SUPT7L: variants seen among roughly 807,000 people sequenced by gnomAD.
The protein encoded by SUPT7L is SPT7 like, STAGA complex subunit gamma, also known as STAGA complex 65 subunit gamma.
Under a neutral mutation model 35.7 loss-of-function variants are expected in SUPT7L, and 15 were observed. The ratio of observed to expected loss-of-function variants is 0.42; its 90% confidence interval spans 0.28 to 0.65. The LOEUF is 0.65. Ranked by LOEUF, SUPT7L falls within the 30% of genes least tolerant of loss-of-function variation. The pLI, the probability that SUPT7L is intolerant of heterozygous loss-of-function variation, is 0.23. For synonymous variants in SUPT7L, 168 were observed against 186.2 expected (o/e 0.90, Z 0.79); for missense variants, 434 against 522.2 (o/e 0.83, Z 1.65).
At position 27,657,270 on chromosome 2, in the gene SUPT7L, A is replaced by G; in HGVS notation, c.744+75T>C. On this transcript the variant is annotated intron_variant, in intron 4 of 5. Transcript: ENST00000337768. This position sits in a 1 kb window ranked among gnomAD's most constrained non-coding sequence, Gnocchi z 5.2. ...ACTCTGTGCTCTGCACTCTAGACCA[A>G]GTGTTGTGGGATCCTGCTGAACACT... The G allele has an allele frequency of 6.7e-7, 1 of 1,498,940 alleles. No homozygotes were observed. Among genetic ancestry groups the G allele is most frequent in the Non-Finnish European group, 9.1e-7 (1 of 1,100,056 alleles). 92.9% of individuals were successfully genotyped at this position (1,498,940 alleles called of 1,614,324 possible).
chr2:27,647,342 T>A (rs1674285814), downstream of SUPT7L, among the ~76,000 whole-genome samples: 2 of 152,194 alleles, frequency 1.3e-5, no homozygotes. Context: ...GATTTTCTAT[T>A]TTTCCCCTCC....
the SUPT7L span, among the ~76,000 whole-genome samples, chr2:27,643,233 T>G: frequency 6.6e-6 from 1 of 151,310 alleles, no homozygotes; most frequent in Non-Finnish European, 1.5e-5. This position sits in a 1 kb window ranked among gnomAD's most constrained non-coding sequence, Gnocchi z 4.0. Flanking sequence ...TAATTTCAGA[T>G]TTACAGAAGT....
chr2:27,648,255 C>T (rs997450823), downstream of SUPT7L, among the ~76,000 whole-genome samples: 1 of 152,158 alleles, frequency 6.6e-6, no homozygotes, highest in Non-Finnish European at 1.5e-5. Context: ...TGTGGTGGCT[C>T]ATGCCTGTAA....
chr2:27,662,144 C>T (rs369995345), intron 2 of SUPT7L, 35 bp downstream of exon 2: 318 of 1,613,820 alleles, frequency 2.0e-4, no homozygotes, highest in Non-Finnish European at 2.5e-4. Context: ...CTTGGCTTAC[C>T]ATTCAACAAA....
intron 4 of SUPT7L, among the ~76,000 whole-genome samples, chr2:27,656,691 G>A (rs1674819732): frequency 6.6e-6 from 1 of 151,664 alleles, no homozygotes; most frequent in African/African-American, 2.4e-5. Flanking sequence ...GGAGTGCAAT[G>A]GCACAATCAT....
rs1392139883 is a variant in SUPT7L, at chr2:27,662,171, C to T, written c.14+8G>A. Reference sequence around the variant, plus strand: ...TTCAACAAAATTCACAATCTGGTTTCAACTCACCTTTGCAGATTCATTGTC... The same window carrying T: ...TTCAACAAAATTCACAATCTGGTTTTAACTCACCTTTGCAGATTCATTGTC... On this transcript the variant is annotated splice_region_variant and intron_variant, in intron 2 of 5. Transcript: ENST00000337768. 1 of 1,614,128 alleles carries T rather than the reference C, an allele frequency of 6.2e-7. No homozygotes were observed. The highest frequency in any genetic ancestry group is 2.2e-5 in the East Asian group (1 of 44,862).
At chr2:27,661,482 A>G in intron 2 of SUPT7L, 94 bp from the exon 3 acceptor site, 1 of 1,559,724 alleles carries the variant, frequency 6.4e-7, no homozygotes, top group Non-Finnish European at 8.6e-7. Context: ...ACTTTAGATT[A>G]TAGGCTTCTG....
chr2:27,663,234 T>A (rs1454506925), intron 1 of SUPT7L, 95 bp downstream of exon 1: 1 of 160,518 alleles, frequency 6.2e-6, no homozygotes, highest in Non-Finnish European at 1.4e-5. Context: ...GAGTCTGCTC[T>A]CTTAACCACT....
intron 3 of SUPT7L, among the ~76,000 whole-genome samples, chr2:27,660,148 A>C (rs1675028989): frequency 6.7e-6 from 1 of 150,104 alleles, no homozygotes; most frequent in African/African-American, 2.5e-5. Flanking sequence ...CTGCATATCT[A>C]AAAAACTGCC....
chr2:27,661,728 G>GT, intron 2 of SUPT7L: 3 of 767,456 alleles, frequency 3.9e-6, no homozygotes, highest in Non-Finnish European at 5.3e-6. Context: ...ACAGCATCTG[G>GT]AGCTCTAGTA....
In SUPT7L at chr2:27,652,943, A is replaced by C. The variant is rs1302926573; in HGVS notation, c.*542T>G. 3 of 154,672 alleles carry C rather than the reference A, an allele frequency of 1.9e-5. No individual in the cohort carries two copies. Among genetic ancestry groups the C allele is most frequent in the African/African-American group, 7.2e-5 (3 of 41,472 alleles). The allele number at this position is 154,672 out of a possible 1,614,324, so 9.6% of individuals were successfully genotyped here. On this transcript the variant is annotated 3_prime_UTR_variant, in exon 6 of 6. Transcript: ENST00000337768. Reference sequence around the variant, plus strand: ...AAGACACTTCAAAAGTAGCAAAAACAGTTTTAAGAAGGTGACTAATAGATA... The same window carrying C: ...AAGACACTTCAAAAGTAGCAAAAACCGTTTTAAGAAGGTGACTAATAGATA...
chr2:27,655,541 T>G lies in SUPT7L; in HGVS notation c.806A>C (p.Asp269Ala). 1 of 1,613,934 alleles carries G rather than the reference T, an allele frequency of 6.2e-7. No homozygotes were observed. The highest frequency in any genetic ancestry group is 1.6e-4 in the Middle Eastern group (1 of 6,062). The stretch of plus-strand genomic sequence containing the variant: ...CTCCTTGATCTTCACAGGTTTAGCG[T>G]CCTCTGTGGCCTTCTCAGGATTGAC... ...RIVNPEKATE[D>A]AKPVKIKEEP... The change falls in exon 5 of 6, where the codon GAC (aspartate) becomes GCC (alanine). Residue 269 changes from aspartate to alanine, a missense_variant. Asp to Ala is a moderately radical substitution (Grantham distance 126, BLOSUM62 -2). Coordinates refer to ENST00000337768, the MANE Select transcript of SUPT7L (RefSeq NM_014860.3).
chr2:27,655,615 A>C lies in SUPT7L; in HGVS notation c.745-13T>G. ...GTTGCTTACTAATCTGTTGGCAAGC[A>C]AGAGTCAATTTTCCAAGGAAATGTT... On this transcript the variant is annotated splice_polypyrimidine_tract_variant and intron_variant, in intron 4 of 5. Coordinates refer to ENST00000337768, the MANE Select transcript of SUPT7L (RefSeq NM_014860.3). 1.3e-6 allele frequency: 2 copies of C among 1,552,112 alleles called. No individual in the cohort carries two copies. The highest frequency in any genetic ancestry group is 8.7e-7 in the Non-Finnish European group (1 of 1,149,136).
chr2:27,645,149 T>G, the SUPT7L span, among the ~76,000 whole-genome samples: 1 of 152,098 alleles, frequency 6.6e-6, no homozygotes, highest in South Asian at 2.1e-4. Context: ...AAGGAAATTT[T>G]TAATAGAGAC....
chr2:27,655,752 G>A lies in SUPT7L; in HGVS notation c.745-150C>T, dbSNP rs142056347. 780 of 722,906 alleles carry A rather than the reference G, an allele frequency of 1.1e-3. 1 individual carries two copies. In the African/African-American group the frequency reaches 0.013, roughly 12 times the overall value. 44.8% of individuals were successfully genotyped at this position (722,906 alleles called of 1,614,324 possible). A position where few individuals can be genotyped will look rare whatever the true frequency, so the allele number is the denominator to read the frequency against. On this transcript the variant is annotated intron_variant, in intron 4 of 5. Coordinates refer to ENST00000337768, the MANE Select transcript of SUPT7L (RefSeq NM_014860.3). ...ATGGGAGGGATTTGTTTAAGGTGCT[G>A]AGTTTGCATTTATGAGTGATAGAGA...
chr2:27,643,158 A>G, the SUPT7L span, among the ~76,000 whole-genome samples: 3,951 of 150,516 alleles, frequency 0.026, 164 homozygotes, highest in African/African-American at 0.092. This position sits in a 1 kb window ranked among gnomAD's most constrained non-coding sequence, Gnocchi z 4.0. Flanking sequence ...TGTTTCTAAC[A>G]CTTTTAACCC....
intron 5 of SUPT7L, among the ~76,000 whole-genome samples, chr2:27,654,367 A>G (rs2148110238): frequency 6.6e-6 from 1 of 152,346 alleles, no homozygotes; most frequent in Non-Finnish European, 1.5e-5. Flanking sequence ...CACTTTTAAA[A>G]GTATGACCTA....
chr2:27,661,690 T>G, intron 2 of SUPT7L: 1 of 1,221,180 alleles, frequency 8.2e-7, no homozygotes. Context: ...AGGGTAGAAT[T>G]TGGGTCATTA....
At chr2:27,659,644 T>C (rs567668361) in intron 3 of SUPT7L, among the ~76,000 whole-genome samples, 2 of 152,352 alleles carry the variant, frequency 1.3e-5, no homozygotes, top group South Asian at 4.1e-4. Context: ...TTAATGTTCA[T>C]TTACTTTGGT....
Sources: gnomAD v4.1 joint callset for allele counts (sites outside exome capture counted in the v4.1 genomes callset) on GRCh38, gnomAD v4.1.1 for gene constraint, Gnocchi (gnomAD v3.1) non-coding constraint, MANE v1.5 for transcripts, NCBI Gene and HGNC (gene_info 2026-07-23, HGNC 2026-07-21) for gene names.